The following KCNN3 variants were observed in gnomAD, a reference collection of about 807,000 sequenced individuals.
The protein encoded by KCNN3 is small conductance calcium-activated potassium channel protein 3.
Under a neutral mutation model 62.9 loss-of-function variants are expected in KCNN3, and 16 were observed. That is an observed-to-expected ratio of 0.25 (90% CI 0.17 to 0.39). KCNN3 has a LOEUF of 0.39. Among genes scored for constraint, KCNN3 ranks in the 10% least tolerant of loss-of-function variants. The pLI is 1.00. For missense variants in KCNN3, 599 were observed against 949.4 expected (o/e 0.63, Z 4.85); for synonymous variants, 370 against 389.2 (o/e 0.95, Z 0.58).
intron 3 of KCNN3, among the ~76,000 whole-genome samples, chr1:154,755,482 AG>A (rs1647598536): frequency 1.5e-5 from 2 of 132,976 alleles, no homozygotes; most frequent in East Asian, 4.3e-4. Flanking sequence ...GAAGAAAGGA[AG>A]GAAGAAAGGG....
intron 3 of KCNN3, among the ~76,000 whole-genome samples, chr1:154,765,828 G>A (rs1463533551): frequency 6.6e-6 from 1 of 151,244 alleles, no homozygotes. Flanking sequence ...TTTGTTTTTG[G>A]CAGAGATGGG....
At chr1:154,861,449 C>A (rs917908964) in intron 1 of KCNN3, among the ~76,000 whole-genome samples, 8 of 152,154 alleles carry the variant, frequency 5.3e-5, no homozygotes, top group Admixed American at 3.9e-4. Flanking sequence ...CTCCTCTTTC[C>A]TCCCTACATG....
At chr1:154,724,394 G>T (rs752109795) in intron 5 of KCNN3, among the ~76,000 whole-genome samples, 1 of 152,178 alleles carries the variant, frequency 6.6e-6, no homozygotes, top group Non-Finnish European at 1.5e-5. Flanking sequence ...AAATTTGGTT[G>T]CTCATGGGTC....
At chr1:154,857,483 G>A (rs1052510608) in intron 1 of KCNN3, among the ~76,000 whole-genome samples, 1 of 151,964 alleles carries the variant, frequency 6.6e-6, no homozygotes, top group Non-Finnish European at 1.5e-5. Context: ...TGAGGCTCTG[G>A]GGGAGGCTGG....
chr1:154,766,416 T>TTAAA (rs1553231995), intron 3 of KCNN3, among the ~76,000 whole-genome samples: 57 of 71,774 alleles, frequency 7.9e-4, no homozygotes, highest in South Asian at 1.2e-3. Flanking sequence ...TAGCCAGGCT[T>TTAAA]TATATATATA....
chr1:154,710,561 C>G (rs1700053463), intron 7 of KCNN3, among the ~76,000 whole-genome samples: 1 of 152,206 alleles, frequency 6.6e-6, no homozygotes, highest in Non-Finnish European at 1.5e-5. Context: ...GAGTGTCTTT[C>G]CAGTTCACTG....
intron 2 of KCNN3, among the ~76,000 whole-genome samples, chr1:154,814,651 T>C (rs1296253357): frequency 2.0e-5 from 3 of 152,160 alleles, no homozygotes; most frequent in Non-Finnish European, 4.4e-5. Context: ...TACAAAGCGC[T>C]AGACAAGATG....
At chr1:154,793,723 G>C (rs1557979276) in intron 2 of KCNN3, among the ~76,000 whole-genome samples, 4 of 152,156 alleles carry the variant, frequency 2.6e-5, no homozygotes, top group Admixed American at 6.5e-5. Context: ...CTCTAAGAAT[G>C]GCTGGAGTAG....
rs565250405 is a variant in KCNN3, at chr1:154,698,053, G to C, written c.*9923C>G. On this transcript the variant is annotated 3_prime_UTR_variant, in exon 8 of 8. Coordinates refer to ENST00000271915, the MANE Select transcript of KCNN3 (RefSeq NM_002249.6). Reference sequence around the variant, plus strand: ...GTTGGTAAATGTATTCATTCATATGGAGTTTTTGGAGGAAGAGCTTTAAGG... The same window carrying C: ...GTTGGTAAATGTATTCATTCATATGCAGTTTTTGGAGGAAGAGCTTTAAGG... 1 of 152,254 alleles carries C rather than the reference G, an allele frequency of 6.6e-6. No homozygotes were observed. The highest frequency in any genetic ancestry group is 2.1e-4 in the South Asian group (1 of 4,826). 9.4% of individuals were successfully genotyped at this position (152,254 alleles called of 1,614,324 possible).
At chr1:154,711,893 A>AGAGAGGAAGAGAGAGG (rs911350347) in intron 7 of KCNN3, among the ~76,000 whole-genome samples, 2 of 150,576 alleles carry the variant, frequency 1.3e-5, no homozygotes, top group Non-Finnish European at 2.9e-5. Context: ...AGGGAGAGAA[A>AGAGAGGAAGAGAGAGG]GAGAGGAAGA....
chr1:154,844,132 G>A (rs765159527), intron 1 of KCNN3, among the ~76,000 whole-genome samples: 48 of 152,170 alleles, frequency 3.2e-4, no homozygotes, highest in Non-Finnish European at 5.9e-4. Flanking sequence ...CTGGGCAGAC[G>A]CCCTCACCCT....
At chr1:154,841,856 C>T (rs780736137) in intron 1 of KCNN3, among the ~76,000 whole-genome samples, 2 of 152,164 alleles carry the variant, frequency 1.3e-5, no homozygotes, top group Admixed American at 6.5e-5. Context: ...GTCATGGGAT[C>T]GGCAGGTTCT....
chr1:154,753,736 A>G (rs1647498463), intron 3 of KCNN3, among the ~76,000 whole-genome samples: 1 of 152,206 alleles, frequency 6.6e-6, no homozygotes, highest in African/African-American at 2.4e-5. Context: ...GAGGATGTCC[A>G]GTGTTTTATG....
intron 1 of KCNN3, among the ~76,000 whole-genome samples, chr1:154,836,546 T>A (rs1651597491): frequency 6.6e-6 from 1 of 152,348 alleles, no homozygotes; most frequent in South Asian, 2.1e-4. Context: ...TCTTGCTGAC[T>A]GTGGCTGGGA....
intron 1 of KCNN3, among the ~76,000 whole-genome samples, chr1:154,839,978 A>C (rs564020569): frequency 1.3e-5 from 2 of 152,344 alleles, no homozygotes; most frequent in African/African-American, 4.8e-5. Flanking sequence ...GGAGGGGCAC[A>C]GGGAGTCAGG....
At chr1:154,792,382 T>A (rs1458626409) in intron 2 of KCNN3, among the ~76,000 whole-genome samples, 1 of 152,240 alleles carries the variant, frequency 6.6e-6, no homozygotes. Flanking sequence ...GGAATCAGAA[T>A]GTTCCACTGG....
At chr1:154,766,279 G>T (rs993154210) in intron 3 of KCNN3, among the ~76,000 whole-genome samples, 6 of 150,962 alleles carry the variant, frequency 4.0e-5, no homozygotes, top group Non-Finnish European at 8.9e-5. Context: ...ATAAACCAGT[G>T]GTTTGCAAAC....
intron 4 of KCNN3, among the ~76,000 whole-genome samples, chr1:154,730,696 A>G (rs1037551615): frequency 6.6e-6 from 1 of 152,222 alleles, no homozygotes. Context: ...AGAAAGGTGT[A>G]TATTTATGCA....
intron 4 of KCNN3, among the ~76,000 whole-genome samples, chr1:154,732,144 C>T (rs1399059046): frequency 6.6e-6 from 1 of 152,236 alleles, no homozygotes; most frequent in Non-Finnish European, 1.5e-5. Flanking sequence ...AGGGCAGGCC[C>T]TCCATCTCCA....
Sources: gnomAD v4.1 joint callset for allele counts (sites outside exome capture counted in the v4.1 genomes callset) on GRCh38, gnomAD v4.1.1 for gene constraint, MANE v1.5 for transcripts, NCBI Gene and HGNC (gene_info 2026-07-23, HGNC 2026-07-21) for gene names.